Variants in EYS observed in about 807,000 individuals in gnomAD.
The protein encoded by EYS is protein eyes shut homolog.
A neutral mutation model predicts 282.1 loss-of-function variants in EYS; 250 were observed. That is an observed-to-expected ratio of 0.89 (90% CI 0.80 to 0.98). The LOEUF (loss-of-function observed/expected upper bound fraction) is 0.98, where lower values mean the gene tolerates loss of function less well. Ranked by LOEUF, EYS falls within the 50% of genes least tolerant of loss-of-function variation. The pLI is 0.00. For synonymous variants in EYS, 1,355 were observed against 1,282.9 expected, an observed-to-expected ratio of 1.06 and a Z score of -1.20; for missense variants, 4,016 against 3,709.0, an observed-to-expected ratio of 1.08 and a Z score of -2.15.
At chr6:65,678,473 T>C (rs1562323774) in intron 1 of EYS, among the ~76,000 whole-genome samples, 1 of 151,962 alleles carries the variant, frequency 6.6e-6, no homozygotes, top group South Asian at 2.1e-4. Flanking sequence ...GATTAAAGAC[T>C]TAACTATAAG....
intron 28 of EYS, among the ~76,000 whole-genome samples, chr6:64,399,576 C>G (rs569122177): frequency 3.8e-4 from 58 of 151,978 alleles, no homozygotes; most frequent in African/African-American, 1.3e-3. Context: ...ATTATTGAAT[C>G]AAATTATAAG....
At chr6:64,700,241 A>G (rs1425854785) in intron 22 of EYS, among the ~76,000 whole-genome samples, 1 of 152,178 alleles carries the variant, frequency 6.6e-6, no homozygotes, top group East Asian at 1.9e-4. Context: ...CCTGAAAATA[A>G]TAAAAGCCAT....
intron 12 of EYS, among the ~76,000 whole-genome samples, chr6:65,196,414 C>T (rs1247886234): frequency 6.6e-6 from 1 of 151,992 alleles, no homozygotes; most frequent in Non-Finnish European, 1.5e-5. Flanking sequence ...ATTGAATATG[C>T]CCCGTCCCCC....
intron 5 of EYS, among the ~76,000 whole-genome samples, chr6:65,482,008 T>C (rs185458344): frequency 1.5e-3 from 232 of 152,322 alleles, no homozygotes; most frequent in Non-Finnish European, 2.7e-3. Context: ...CTGGATGGAA[T>C]ACGGTAGCAA....
chr6:63,775,070 A>C (rs1312958186), intron 40 of EYS, among the ~76,000 whole-genome samples: 1 of 152,192 alleles, frequency 6.6e-6, no homozygotes, highest in East Asian at 1.9e-4. Context: ...ATCAGAACTC[A>C]TCCCAGGAGC....
chr6:65,400,390 T>C (rs545139560), intron 7 of EYS, among the ~76,000 whole-genome samples: 2 of 152,140 alleles, frequency 1.3e-5, no homozygotes, highest in East Asian at 3.9e-4. Flanking sequence ...TCTATCTGTC[T>C]GATACCTCCA....
chr6:64,338,867 A>G lies in EYS; in HGVS notation c.6079-31785T>C, dbSNP rs367546491. On this transcript the variant is annotated intron_variant, in intron 29 of 42. Transcript: ENST00000503581. ...CAACTGATCTTCAACAAAGCAAACA[A>G]AAACATAAAGCAGGGAAAGGACACC... Among the ~76,000 whole-genome samples, 4 of 152,052 alleles carry G rather than the reference A, an allele frequency of 2.6e-5. No homozygotes were observed. In the East Asian group the frequency reaches 5.8e-4, roughly 22 times the overall value.
intron 31 of EYS, among the ~76,000 whole-genome samples, chr6:64,155,766 G>GT (rs1408014590): frequency 6.6e-6 from 1 of 152,014 alleles, no homozygotes; most frequent in African/African-American, 2.4e-5. Context: ...ATCACAGATT[G>GT]TTGGATTTTG....
chr6:64,400,910 C>G (rs1582705146), intron 28 of EYS, among the ~76,000 whole-genome samples: 1 of 152,020 alleles, frequency 6.6e-6, no homozygotes, highest in Non-Finnish European at 1.5e-5. Flanking sequence ...ACGGTAATCA[C>G]TAACTACTCT....
intron 22 of EYS, among the ~76,000 whole-genome samples, chr6:64,794,555 C>T (rs1050820827): frequency 1.3e-5 from 2 of 152,106 alleles, no homozygotes; most frequent in Non-Finnish European, 1.5e-5. Flanking sequence ...CTGTGGCCTC[C>T]CCAGAAGCAG....
chr6:64,367,222 C>T (rs1772210758), intron 29 of EYS, among the ~76,000 whole-genome samples: 1 of 151,962 alleles, frequency 6.6e-6, no homozygotes, highest in Non-Finnish European at 1.5e-5. Context: ...TTTATAGATC[C>T]TCTCTTCCTA....
At chr6:64,685,412 A>C (rs1686657427) in intron 22 of EYS, among the ~76,000 whole-genome samples, 1 of 152,186 alleles carries the variant, frequency 6.6e-6, no homozygotes. Context: ...GTATTGTTGA[A>C]GTTGGGATCT....
intron 30 of EYS, among the ~76,000 whole-genome samples, chr6:64,273,616 G>A (rs923615248): frequency 2.0e-5 from 3 of 151,612 alleles, no homozygotes; most frequent in Non-Finnish European, 4.4e-5. Context: ...TCTTCCTCTT[G>A]TTCATGGGCA....
chr6:65,518,012 C>T (rs1767207399), intron 2 of EYS, among the ~76,000 whole-genome samples: 1 of 151,992 alleles, frequency 6.6e-6, no homozygotes, highest in Non-Finnish European at 1.5e-5. Context: ...TCTTAATAGA[C>T]ACTCTTCCTT....
intron 2 of EYS, among the ~76,000 whole-genome samples, chr6:65,582,898 G>A (rs150339115): frequency 5.5e-4 from 83 of 152,052 alleles, no homozygotes; most frequent in African/African-American, 1.8e-3. Context: ...AAATGTTTAT[G>A]CCTAGTATCT....
At chr6:65,357,444 A>G (rs975809622) in intron 8 of EYS, among the ~76,000 whole-genome samples, 1 of 151,962 alleles carries the variant, frequency 6.6e-6, no homozygotes, top group Admixed American at 6.6e-5. Flanking sequence ...GAATAAACTA[A>G]ATGTTTGTCT....
chr6:64,668,543 C>CTTTTTTTTTT (rs35765768), intron 22 of EYS, among the ~76,000 whole-genome samples: 1 of 76,154 alleles, frequency 1.3e-5, no homozygotes, highest in Non-Finnish European at 2.4e-5. Context: ...TACCACAATT[C>CTTTTTTTTTT]TTTTTTTTTT....
chr6:64,305,837 G>T (rs1769423089), intron 30 of EYS, among the ~76,000 whole-genome samples: 1 of 152,104 alleles, frequency 6.6e-6, no homozygotes, highest in Admixed American at 6.6e-5. Context: ...CTTGGATATG[G>T]ATATGACACC....
intron 33 of EYS, among the ~76,000 whole-genome samples, chr6:64,002,674 C>A (rs993049549): frequency 2.6e-5 from 4 of 152,162 alleles, no homozygotes; most frequent in African/African-American, 9.7e-5. Flanking sequence ...AATCTGGGAA[C>A]TTTCCTGCTT....
Sources: allele counts gnomAD v4.1 joint callset (sites outside exome capture counted in the v4.1 genomes callset), GRCh38; gene constraint gnomAD v4.1.1; transcripts MANE v1.5; gene names NCBI Gene and HGNC (gene_info 2026-07-23, HGNC 2026-07-21).